The following GNAI3 variants were observed in gnomAD, a reference collection of about 807,000 sequenced individuals.
GNAI3 encodes the protein G protein subunit alpha i3.
GNAI3 carries 12 observed loss-of-function variants against 41.8 expected under a neutral mutation model. The ratio of observed to expected loss-of-function variants is 0.29; its 90% CI spans 0.18 to 0.47. The LOEUF (loss-of-function observed/expected upper bound fraction) is 0.47. Among genes scored for constraint, GNAI3 ranks in the 20% least tolerant of loss-of-function variants. The pLI, the probability that GNAI3 is intolerant of heterozygous loss-of-function variation, is 1.00. For synonymous variants in GNAI3, 132 were observed against 146.5 expected (o/e 0.90, Z 0.71); for missense variants, 360 against 429.6 (o/e 0.84, Z 1.43).
rs2101114921 is a variant in GNAI3 at position 109,594,658 on chromosome 1, T to A, written c.*2336T>A. On this transcript the variant is annotated 3_prime_UTR_variant, in exon 9 of 9. Coordinates refer to ENST00000369851, the MANE Select transcript of GNAI3 (RefSeq NM_006496.4). ...GGGCTGGCAATCGATTTTTTTTTTT[T>A]TTTTTTTTTTTTGAGACGGAGTCTC... The A allele has an allele frequency of 6.7e-6, 1 of 149,488 alleles. No individual in the cohort carries two copies. The highest frequency in any genetic ancestry group is 2.2e-4 in the South Asian group (1 of 4,644). 9.3% of individuals were successfully genotyped at this position (149,488 alleles called of 1,614,324 possible). A position where few individuals can be genotyped will look rare whatever the true frequency, so the allele number is the denominator to read the frequency against.
chr1:109,586,102 T>C (rs1571162164), intron 5 of GNAI3, 114 bp from the exon 6 acceptor site: 2 of 773,136 alleles, frequency 2.6e-6, no homozygotes, highest in East Asian at 2.8e-5. Context: ...TTCTTTTTCT[T>C]CTATTATAAA....
At chr1:109,577,391 C>T (rs1215111409) in intron 3 of GNAI3, among the ~76,000 whole-genome samples, 3 of 151,786 alleles carry the variant, frequency 2.0e-5, no homozygotes, top group African/African-American at 7.3e-5. Context: ...ATTCTCCTGC[C>T]TCAAACTCCC....
At chr1:109,559,494 A>G (rs952326978) in intron 1 of GNAI3, among the ~76,000 whole-genome samples, 2 of 152,184 alleles carry the variant, frequency 1.3e-5, no homozygotes, top group African/African-American at 4.8e-5. Flanking sequence ...ACTTAATATT[A>G]TTAGCCAGAT....
Position 109,598,752 on chromosome 1 carries a change from A to C in GNAI3, c.*6430A>C. ...GCTTTTTCATGGCAAAAAGACAGAA[A>C]AGTTCCCTTCTGCAGTCTCCAGTGT... On this transcript the variant is annotated 3_prime_UTR_variant, in exon 9 of 9. Coordinates refer to ENST00000369851, the MANE Select transcript of GNAI3 (RefSeq NM_006496.4). The C allele has an allele frequency of 9.1e-6, 3 of 330,886 alleles. No individual in the cohort carries two copies. Among genetic ancestry groups the C allele is most frequent in the South Asian group, 7.7e-5 (3 of 39,204 alleles). 20.5% of individuals were successfully genotyped at this position (330,886 alleles called of 1,614,324 possible). A position where few individuals can be genotyped will look rare whatever the true frequency, so the allele number is the denominator to read the frequency against.
intron 1 of GNAI3, among the ~76,000 whole-genome samples, chr1:109,563,426 G>A (rs1040100160): frequency 6.6e-6 from 1 of 152,106 alleles, no homozygotes; most frequent in African/African-American, 2.4e-5. Context: ...GGCAGCCAGA[G>A]GATGATCCCT....
At chr1:109,575,534 CTTTTTTTTTTTTTTT>C (rs747890363) in intron 3 of GNAI3, among the ~76,000 whole-genome samples, 11 of 52,866 alleles carry the variant, frequency 2.1e-4, no homozygotes, top group African/African-American at 4.0e-4. Flanking sequence ...CCTTTCATTT[CTTTTTTTTTTTTTTT>C]TTTTTTTTTT....
intron 7 of GNAI3, among the ~76,000 whole-genome samples, chr1:109,588,888 T>C (rs527543728): frequency 5.3e-5 from 8 of 151,888 alleles, no homozygotes; most frequent in Admixed American, 1.3e-4. Context: ...TGAGACTCCA[T>C]CAATCAATCA....
At chr1:109,582,687 T>C (rs1648925143) in intron 5 of GNAI3, 122 bp downstream of exon 5, 2 of 612,046 alleles carry the variant, frequency 3.3e-6, no homozygotes, top group Admixed American at 5.0e-5. Flanking sequence ...TTAACATATT[T>C]ATCAGCATTG....
intron 1 of GNAI3, among the ~76,000 whole-genome samples, chr1:109,562,621 A>G (rs750071300): frequency 1.3e-5 from 2 of 152,172 alleles, no homozygotes; most frequent in Non-Finnish European, 2.9e-5. Flanking sequence ...AGCATTTATT[A>G]TAGTAAAGGA....
At chr1:109,572,258 C>T (rs1163317522) in intron 1 of GNAI3, among the ~76,000 whole-genome samples, 6 of 152,162 alleles carry the variant, frequency 3.9e-5, no homozygotes, top group South Asian at 2.1e-4. Flanking sequence ...TGCGGTGAGC[C>T]GAGATTGTAC....
At chr1:109,572,812 T>G (rs976254267) in intron 1 of GNAI3, among the ~76,000 whole-genome samples, 4 of 152,158 alleles carry the variant, frequency 2.6e-5, no homozygotes, top group African/African-American at 9.7e-5. Context: ...GAAAATATCA[T>G]GGGAAATTGC....
At chr1:109,589,376 G>A (rs905736073) in intron 7 of GNAI3, among the ~76,000 whole-genome samples, 3 of 152,194 alleles carry the variant, frequency 2.0e-5, no homozygotes, top group East Asian at 1.9e-4. Context: ...GCTGTTGAGA[G>A]CAGTGTCAGT....
intron 4 of GNAI3, among the ~76,000 whole-genome samples, chr1:109,582,214 C>T (rs191056269): frequency 2.4e-4 from 36 of 152,258 alleles, no homozygotes; most frequent in African/African-American, 7.7e-4. Flanking sequence ...TGGTCTTGAA[C>T]TCCTGGCCTC....
chr1:109,559,895 T>C (rs1005578779), intron 1 of GNAI3, among the ~76,000 whole-genome samples: 3 of 152,248 alleles, frequency 2.0e-5, no homozygotes, highest in African/African-American at 7.2e-5. Flanking sequence ...TTAATTGTTC[T>C]AGTTTTGATA....
chr1:109,593,044 C>T lies in GNAI3; in HGVS notation c.*722C>T, dbSNP rs1649209795. The T allele has an allele frequency of 6.6e-6, 1 of 152,518 alleles. No homozygotes were observed. Among genetic ancestry groups the T allele is most frequent in the African/African-American group, 2.4e-5 (1 of 41,394 alleles). 9.4% of individuals were successfully genotyped at this position (152,518 alleles called of 1,614,324 possible). A position where few individuals can be genotyped will look rare whatever the true frequency, so the allele number is the denominator to read the frequency against. ...TTTAAGCTTATGGTTGAAGGTTAAC[C>T]TTGTTTGTGCAGATTACCAAATTAC... On this transcript the variant is annotated 3_prime_UTR_variant, in exon 9 of 9. Coordinates refer to ENST00000369851, the MANE Select transcript of GNAI3 (RefSeq NM_006496.4).
chr1:109,565,654 C>G (rs984446408), intron 1 of GNAI3, among the ~76,000 whole-genome samples: 1 of 152,206 alleles, frequency 6.6e-6, no homozygotes, highest in Non-Finnish European at 1.5e-5. Context: ...AGTGCCTAAT[C>G]TGTCCTAGAT....
In GNAI3 at chr1:109,548,668, A is replaced by G. The variant is rs1420784935; in HGVS notation, c.-53A>G. ...ACGGTGCCTCAGCCTGCCGAGCCGCAGTTTCCGTGGTGTGAGTGAGTCCGG... is the reference window on the plus strand; with the variant it reads ...ACGGTGCCTCAGCCTGCCGAGCCGCGGTTTCCGTGGTGTGAGTGAGTCCGG... On this transcript the variant is annotated 5_prime_UTR_variant, in exon 1 of 9. Coordinates refer to ENST00000369851, the MANE Select transcript of GNAI3 (RefSeq NM_006496.4). The G allele has an allele frequency of 7.7e-7, 1 of 1,293,306 alleles. No individual in the cohort carries two copies. The highest frequency in any genetic ancestry group is 1.5e-5 in the African/African-American group (1 of 68,868). The allele number at this position is 1,293,306 out of a possible 1,614,324, so 80.1% of individuals were successfully genotyped here. A position where few individuals can be genotyped will look rare whatever the true frequency, so the allele number is the denominator to read the frequency against.
chr1:109,552,272 T>TC (rs1324452270), intron 1 of GNAI3, among the ~76,000 whole-genome samples: 1 of 152,168 alleles, frequency 6.6e-6, no homozygotes, highest in Non-Finnish European at 1.5e-5. Context: ...CAACCAATGT[T>TC]CCAGTGCTTA....
Position 109,599,510 on chromosome 1 carries a change from A to G in GNAI3, c.*7188A>G, listed in dbSNP as rs1192397572. 1 of 152,178 alleles carries G rather than the reference A, an allele frequency of 6.6e-6. No individual in the cohort carries two copies. Among genetic ancestry groups the G allele is most frequent in the African/African-American group, 2.4e-5 (1 of 41,418 alleles). The allele number at this position is 152,178 out of a possible 1,614,324, so 9.4% of individuals were successfully genotyped here. On this transcript the variant is annotated 3_prime_UTR_variant, in exon 9 of 9. Coordinates refer to ENST00000369851, the MANE Select transcript of GNAI3 (RefSeq NM_006496.4). Reference sequence around the variant, plus strand: ...TCATAGTATTTGTCCTTTTGTGTCAATCATATTGTATTTTTGTCTAAAAAA... The same window carrying G: ...TCATAGTATTTGTCCTTTTGTGTCAGTCATATTGTATTTTTGTCTAAAAAA...
Sources: gnomAD v4.1 joint callset for allele counts (sites outside exome capture counted in the v4.1 genomes callset) on GRCh38, gnomAD v4.1.1 for gene constraint, MANE v1.5 for transcripts, NCBI Gene and HGNC (gene_info 2026-07-23, HGNC 2026-07-21) for gene names.